Variants in NAP1L3 observed in about 807,000 individuals in gnomAD.
The protein encoded by NAP1L3 is nucleosome assembly protein 1-like 3.
For missense variants in NAP1L3, 378 were observed against 369.9 expected (o/e 1.02, Z -0.18); for synonymous variants, 127 against 131.9 (o/e 0.96, Z 0.25).
rs1169286761 is a variant in NAP1L3 at position 93,672,034 on chromosome X, G to A, written c.1271C>T (p.Thr424Ile). The A allele has an allele frequency of 1.7e-6, 2 of 1,198,257 alleles. No individual in the cohort carries two copies. The highest frequency in any genetic ancestry group is 2.3e-6 in the Non-Finnish European group (2 of 887,657). The stretch of plus-strand genomic sequence containing the variant: ...TCTTGGCTGGATTTCAATTTCTCCA[G>A]TAGCAGTTGTGCGACTCTGGGTAGT... The part of the protein sequence containing the change: ...VTTTQSRTTA[T>I]GEIEIQPRVV... Residue 424 changes from threonine to isoleucine, a missense_variant, in exon 1 of 1, where the codon ACT becomes ATT. Coordinates refer to ENST00000373079, the MANE Select transcript of NAP1L3 (RefSeq NM_004538.6).
In NAP1L3 at chrX:93,672,513, T is replaced by C. The variant is rs954675752; in HGVS notation, c.792A>G (p.Glu264=). 8 of 1,209,476 alleles carry C rather than the reference T, an allele frequency of 6.6e-6. No homozygotes were observed. The highest frequency in any genetic ancestry group is 8.9e-6 in the Non-Finnish European group (8 of 895,005). ...CCTTAGCCTCTGTTGCTTTAGGCTG[T>C]TCTTTATCATCTGCCTTTACCTGGG... The part of the protein sequence containing the change: ...EVPQVKADDK[E]QPKATEAKAR... The change falls in exon 1 of 1, where the codon GAA becomes GAG. Residue 264 remains glutamate (E), a synonymous_variant. Transcript: ENST00000373079.
Position 93,673,087 on chromosome X carries a change from C to T in NAP1L3, c.218G>A (p.Arg73His), listed in dbSNP as rs1400094303. The T allele has an allele frequency of 1.7e-6, 2 of 1,207,800 alleles. No individual in the cohort carries two copies. Among genetic ancestry groups the T allele is most frequent in the South Asian group, 1.8e-5 (1 of 56,753 alleles). ...AGGTACCCTCTTCTTTCTATACAAG[C>T]GGCTGCGGCTGCTAGTGCTGCCGCT... The part of the protein sequence containing the change: ...SSSGSTSSRS[R>H]LYRKKRVPEP... Residue 73 changes from arginine (R) to histidine (H), a missense_variant, in exon 1 of 1, where the codon CGC (arginine) becomes CAC (histidine). Physicochemically the swap from Arg to His is conservative, Grantham distance 29. Transcript: ENST00000373079.
rs761543067 is a variant in NAP1L3 at position 93,673,254 on chromosome X, A to T, written c.51T>A (p.Val17=). 1 of 1,206,637 alleles carries T rather than the reference A, an allele frequency of 8.3e-7. No homozygotes were observed. The highest frequency in any genetic ancestry group is 1.1e-6 in the Non-Finnish European group (1 of 892,055). ...TCGAGCTAGCCATCTCCTCTTCGGC[A>T]ACCCCATGGGCGACAGGTTCCGAGA... ...KMVSEPVAHG[V]AEEEMASSTS... Residue 17 remains valine, a synonymous_variant, in exon 1 of 1, where the codon GTT becomes GTA. Transcript: ENST00000373079.
chrX:93,673,109 CGCT>C lies in NAP1L3; in HGVS notation c.193_195del (p.Ser65del), dbSNP rs762061463. ...AAGCGGCTGCGGCTGCTAGTGCTGC[CGCT>C]GCTGCTGCTGCTGCTGCCGCTGCCG... is the stretch of plus-strand genomic sequence containing the variant. On this transcript the variant is annotated inframe_deletion, in exon 1 of 1. Coordinates refer to ENST00000373079, the MANE Select transcript of NAP1L3 (RefSeq NM_004538.6). The C allele has an allele frequency of 4.5e-5, 54 of 1,197,672 alleles. No individual in the cohort carries two copies. The highest frequency in any genetic ancestry group is 1.1e-4 in the Admixed American group (5 of 44,565).
Position 93,671,960 on chromosome X carries a change from G to A in NAP1L3, c.1345C>T (p.Pro449Ser). 2 of 1,209,012 alleles carry A rather than the reference G, an allele frequency of 1.7e-6. No individual in the cohort carries two copies. Among genetic ancestry groups the A allele is most frequent in the Non-Finnish European group, 2.2e-6 (2 of 894,096 alleles). The change falls in exon 1 of 1, where the codon CCT (proline) becomes TCT (serine). Residue 449 changes from proline (P) to serine (S), a missense_variant. Pro to Ser is a moderately conservative substitution (Grantham distance 74). Transcript: ENST00000373079. ...FFNFFSPPEI[P>S]MIGKLEPRED... ...CGTGGTTCCAGCTTCCCAATCATAG[G>A]AATCTCAGGAGGACTAAAGAAGTTG... is the stretch of plus-strand genomic sequence containing the variant.
chrX:93,671,792 T>C lies in NAP1L3; in HGVS notation c.1513A>G (p.Arg505Gly). The change falls in exon 1 of 1, where the codon AGA becomes GGA. Residue 505 changes from arginine (R) to glycine (G), a missense_variant. Transcript: ENST00000373079. ...FGKHYGNKKY[R>G]K ...AAATCTTTCAGATTGACTTATTTTCTGTATTTCTTGTTTCCATAATGTTTG... is the reference window on the plus strand; with the variant it reads ...AAATCTTTCAGATTGACTTATTTTCCGTATTTCTTGTTTCCATAATGTTTG... 2.5e-6 allele frequency: 3 copies of C among 1,186,493 alleles called. No individual in the cohort carries two copies. Among genetic ancestry groups the C allele is most frequent in the Non-Finnish European group, 3.4e-6 (3 of 883,405 alleles).
Position 93,673,559 on chromosome X carries a change from G to T in NAP1L3, c.-255C>A. The T allele has an allele frequency of 5.3e-6, 2 of 377,160 alleles. No individual in the cohort carries two copies. Among genetic ancestry groups the T allele is most frequent in the Non-Finnish European group, 9.2e-6 (2 of 217,308 alleles). 31.1% of individuals were successfully genotyped at this position (377,160 alleles called of 1,213,427 possible). On this transcript the variant is annotated 5_prime_UTR_variant, in exon 1 of 1. Transcript: ENST00000373079. ...TGCAGCTAGAGTGCCGAGATGTACC[G>T]CAGCCGAATGGCGCAGTATGAGACC...
Position 93,673,008 on chromosome X carries a change from C to T in NAP1L3, c.297G>A (p.Arg99=). Residue 99 remains arginine (R), a synonymous_variant, in exon 1 of 1, where the codon AGG becomes AGA. Transcript: ENST00000373079. ...CACGATTTCTAACTGCCTGAGGCAG[C>T]CTATCCACGAAATTTGTTCCCAACG... is the stretch of plus-strand genomic sequence containing the variant. ...RAPLGTNFVD[R]LPQAVRNRVQ... The T allele has an allele frequency of 8.3e-7, 1 of 1,211,628 alleles. No homozygotes were observed. The highest frequency in any genetic ancestry group is 3.0e-5 in the East Asian group (1 of 33,833).
At position 93,671,619 on chromosome X, in the gene NAP1L3, T is replaced by G; in HGVS notation, c.*165A>C. 1.2e-6 allele frequency: 1 copy of G among 828,119 alleles called. No homozygotes were observed. The highest frequency in any genetic ancestry group is 3.5e-5 in the South Asian group (1 of 28,322). The allele number at this position is 828,119 out of a possible 1,213,427, so 68.2% of individuals were successfully genotyped here. A position where few individuals can be genotyped will look rare whatever the true frequency, so the allele number is the denominator to read the frequency against. On this transcript the variant is annotated 3_prime_UTR_variant, in exon 1 of 1. Coordinates refer to ENST00000373079, the MANE Select transcript of NAP1L3 (RefSeq NM_004538.6). ...AGAATAAACTGGCACTTAGACACTT[T>G]TTAGGACTATTTTTAAAATATAGAC...
rs149591126 is a variant in NAP1L3, at chrX:93,672,330, G to A, written c.975C>T (p.Leu325=). ...CATCATACTTCTGAATCATAGGCCCGAGCTTGTCAACATTCTTTAAAACAA... is the reference window on the plus strand; with the variant it reads ...CATCATACTTCTGAATCATAGGCCCAAGCTTGTCAACATTCTTTAAAACAA... The part of the protein sequence containing the change: ...WLIVLKNVDK[L]GPMIQKYDEP... The change falls in exon 1 of 1, where the codon CTC becomes CTT. Residue 325 remains leucine (L), a synonymous_variant. Coordinates refer to ENST00000373079, the MANE Select transcript of NAP1L3 (RefSeq NM_004538.6). The A allele has an allele frequency of 9.1e-6, 11 of 1,209,452 alleles. No individual in the cohort carries two copies. The highest frequency in any genetic ancestry group is 8.8e-5 in the African/African-American group (5 of 56,951).
chrX:93,672,498 T>C lies in NAP1L3; in HGVS notation c.807A>G (p.Thr269=), dbSNP rs373890113. 31 of 1,209,648 alleles carry C rather than the reference T, an allele frequency of 2.6e-5. No individual in the cohort carries two copies. The highest frequency in any genetic ancestry group is 3.4e-5 in the Non-Finnish European group (30 of 895,104). The stretch of plus-strand genomic sequence containing the variant: ...TTACTGCAGCCCTTGCCTTAGCCTC[T>C]GTTGCTTTAGGCTGTTCTTTATCAT... ...KADDKEQPKA[T]EAKARAAVRE... Residue 269 remains threonine (T), a synonymous_variant, in exon 1 of 1, where the codon ACA becomes ACG. Coordinates refer to ENST00000373079, the MANE Select transcript of NAP1L3 (RefSeq NM_004538.6).
chrX:93,671,774 T>C lies in NAP1L3; in HGVS notation c.*10A>G. 8.5e-7 allele frequency: 1 copy of C among 1,177,078 alleles called. No individual in the cohort carries two copies. Among genetic ancestry groups the C allele is most frequent in the Non-Finnish European group, 1.1e-6 (1 of 879,972 alleles). Reference sequence around the variant, plus strand: ...GATTTTAAGATTCTTGAAAAATCTTTCAGATTGACTTATTTTCTGTATTTC... The same window carrying C: ...GATTTTAAGATTCTTGAAAAATCTTCCAGATTGACTTATTTTCTGTATTTC... On this transcript the variant is annotated 3_prime_UTR_variant, in exon 1 of 1. Coordinates refer to ENST00000373079, the MANE Select transcript of NAP1L3 (RefSeq NM_004538.6).
Position 93,673,136 on chromosome X carries a change from CGCTGCT to C in NAP1L3, c.163_168del (p.Ser55_Ser56del), listed in dbSNP as rs769918522. ...CTGCTGCTGCTGCTGCTGCCGCTGC[CGCTGCT>C]GCTGCCACTAGTGCTGCTGCTGCTG... On this transcript the variant is annotated inframe_deletion, in exon 1 of 1. Coordinates refer to ENST00000373079, the MANE Select transcript of NAP1L3 (RefSeq NM_004538.6). 128 of 1,194,153 alleles carry C rather than the reference CGCTGCT, an allele frequency of 1.1e-4. No individual in the cohort carries two copies. The highest frequency in any genetic ancestry group is 4.8e-4 in the African/African-American group (27 of 56,788).
chrX:93,672,424 T>C lies in NAP1L3; in HGVS notation c.881A>G (p.Asp294Gly), dbSNP rs368572371. ...CTTTCCCTTCCTAGCTCTTTTAAGA[T>C]CTACACTGTCCTGAAGCCTTTCCTC... ...VPEERLQDSVDLKRARKGKPK... is the reference protein window; with the variant it reads ...VPEERLQDSVGLKRARKGKPK... The change falls in exon 1 of 1, where the codon GAT becomes GGT. Residue 294 changes from aspartate to glycine, a missense_variant. Physicochemically the swap from Asp to Gly is moderately conservative, Grantham distance 94 (BLOSUM62 -1). Transcript: ENST00000373079. 12 of 1,209,431 alleles carry C rather than the reference T, an allele frequency of 9.9e-6. 1 individual carries two copies. The African/African-American group carries it at 2.1e-4, about 21-fold the overall frequency.
chrX:93,672,464 G>C lies in NAP1L3; in HGVS notation c.841C>G (p.His281Asp), dbSNP rs1372544898. The C allele has an allele frequency of 8.3e-7, 1 of 1,209,480 alleles. No individual in the cohort carries two copies. The change falls in exon 1 of 1, where the codon CAT becomes GAT. Residue 281 changes from histidine to aspartate, a missense_variant. Coordinates refer to ENST00000373079, the MANE Select transcript of NAP1L3 (RefSeq NM_004538.6). ...AGCCTTTCCTCAGGAACTCTTTTAT[G>C]AGTCTCTCTTACTGCAGCCCTTGCC... ...AKARAAVRET[H>D]KRVPEERLQD...
chrX:93,673,201 C>G lies in NAP1L3; in HGVS notation c.104G>C (p.Ser35Thr). The G allele has an allele frequency of 1.7e-6, 2 of 1,211,211 alleles. No homozygotes were observed. Among genetic ancestry groups the G allele is most frequent in the Non-Finnish European group, 2.2e-6 (2 of 895,083 alleles). ...STSDSGEESD[S>T]SSSSSSTSDS... ...ACTAGTGCTGCTGCTAGAGCTACTG[C>G]TGTCAGATTCTTCCCCAGAATCACT... Residue 35 changes from serine (S) to threonine (T), a missense_variant, in exon 1 of 1, where the codon AGC becomes ACC. Physicochemically the swap from Ser to Thr is moderately conservative, Grantham distance 58 (BLOSUM62 1). Transcript: ENST00000373079.
Position 93,671,770 on chromosome X carries a change from T to C in NAP1L3, c.*14A>G. 1 of 1,173,376 alleles carries C rather than the reference T, an allele frequency of 8.5e-7. No homozygotes were observed. The highest frequency in any genetic ancestry group is 1.1e-6 in the Non-Finnish European group (1 of 878,441). On this transcript the variant is annotated 3_prime_UTR_variant, in exon 1 of 1. Coordinates refer to ENST00000373079, the MANE Select transcript of NAP1L3 (RefSeq NM_004538.6). ...TTGAGATTTTAAGATTCTTGAAAAA[T>C]CTTTCAGATTGACTTATTTTCTGTA...
chrX:93,672,152 G>A lies in NAP1L3; in HGVS notation c.1153C>T (p.His385Tyr). The change falls in exon 1 of 1, where the codon CAC becomes TAC. Residue 385 changes from histidine to tyrosine, a missense_variant. Physicochemically the swap from His to Tyr is moderately conservative, Grantham distance 83. Transcript: ENST00000373079. The stretch of plus-strand genomic sequence containing the variant: ...CCCCAAGAAAAGAAGGGATCATTGT[G>A]ATCTGGTTTTGCCTTTATTATATAT... Reference protein sequence around the residue: ...KTYIIKAKPDHNDPFFSWGWE... With the variant: ...KTYIIKAKPDYNDPFFSWGWE... 1 of 1,211,279 alleles carries A rather than the reference G, an allele frequency of 8.3e-7. No individual in the cohort carries two copies. Among genetic ancestry groups the A allele is most frequent in the Non-Finnish European group, 1.1e-6 (1 of 895,338 alleles).
rs758680108 is a variant in NAP1L3 at position 93,672,805 on chromosome X, T to C, written c.500A>G (p.Glu167Gly). The change falls in exon 1 of 1, where the codon GAG (glutamate) becomes GGG (glycine). Residue 167 changes from glutamate (E) to glycine (G), a missense_variant. Glu to Gly is a moderately conservative substitution (Grantham distance 98, BLOSUM62 -2). Transcript: ENST00000373079. ...PTEEECEWNS[E>G]DEEFSSDEEV... ...CTCATCACTGCTGAACTCCTCATCCTCTGAATTCCATTCACATTCTTCTTC... is the reference window on the plus strand; with the variant it reads ...CTCATCACTGCTGAACTCCTCATCCCCTGAATTCCATTCACATTCTTCTTC... The C allele has an allele frequency of 2.5e-6, 3 of 1,211,743 alleles. No homozygotes were observed. The highest frequency in any genetic ancestry group is 1.8e-5 in the South Asian group (1 of 56,997).
Sources: allele counts gnomAD v4.1 joint callset, GRCh38; gene constraint gnomAD v4.1.1; transcripts MANE v1.5; gene names NCBI Gene and HGNC (gene_info 2026-07-23, HGNC 2026-07-21).